MYO1H: variants seen among roughly 807,000 people sequenced by gnomAD.
MYO1H encodes the protein myosin IH.
Under a neutral mutation model 149.3 loss-of-function variants are expected in MYO1H, and 118 were observed. The ratio of observed to expected loss-of-function variants is 0.79; its 90% CI spans 0.68 to 0.92. MYO1H has a LOEUF of 0.92. Ranked by LOEUF, MYO1H falls within the 40% of genes least tolerant of loss-of-function variation. MYO1H has a pLI of 0.00. For synonymous variants in MYO1H, 447 were observed against 465.2 expected (o/e 0.96, Z 0.50); for missense variants, 1,212 against 1,280.7 (o/e 0.95, Z 0.82).
intron 5 of MYO1H, among the ~76,000 whole-genome samples, chr12:109,398,247 A>G (rs560802133): frequency 6.6e-6 from 1 of 152,350 alleles, no homozygotes; most frequent in East Asian, 1.9e-4. Context: ...GCTCATCATG[A>G]GCAAGTAAAC....
Position 109,406,850 on chromosome 12 carries a change from A to G in MYO1H, c.1025A>G (p.Lys342Arg), listed in dbSNP as rs569396289. 8.1e-6 allele frequency: 13 copies of G among 1,613,850 alleles called. No homozygotes were observed. The African/African-American group carries it at 1.1e-4, about 13-fold the overall frequency. ...CTCACCCACAGAAAAATTGAAGCCA[A>G]AACTGAGGAGGTAAAAATGGCTATA... The change falls in exon 9 of 32, where the codon AAA becomes AGA. Residue 342 changes from lysine (K) to arginine (R), a missense_variant. Physicochemically the swap from Lys to Arg is conservative, Grantham distance 26. Transcript: ENST00000310903.
intron 6 of MYO1H, among the ~76,000 whole-genome samples, chr12:109,403,524 T>C (rs931730169): frequency 6.6e-6 from 1 of 152,254 alleles, no homozygotes; most frequent in Non-Finnish European, 1.5e-5. Flanking sequence ...TTTCTCTAAA[T>C]GCTAGCCTTT....
chr12:109,352,317 A>G (rs573645955), intron 1 of MYO1H, among the ~76,000 whole-genome samples: 2 of 152,318 alleles, frequency 1.3e-5, no homozygotes, highest in East Asian at 3.9e-4. Flanking sequence ...AGGCCCATGC[A>G]TCTTGCATTT....
chr12:109,430,351 G>C (rs1461319536), intron 19 of MYO1H, among the ~76,000 whole-genome samples: 6 of 152,180 alleles, frequency 3.9e-5, no homozygotes. Context: ...GAAGACATAA[G>C]GTACTAGTCC....
chr12:109,436,553 G>A, exon 22 of MYO1H: 1 of 1,604,480 alleles, frequency 6.2e-7, no homozygotes, highest in South Asian at 1.1e-5. Flanking sequence ...AAAAAGACAA[G>A]CAGGTAAGAA....
At chr12:109,326,486 A>ATATTTTATTTTATTTTATTT in the MYO1H span, among the ~76,000 whole-genome samples, 183 of 137,454 alleles carry the variant, frequency 1.3e-3, no homozygotes, top group African/African-American at 3.6e-3. Context: ...CCTTTTTTTT[A>ATATTTTATTTTATTTTATTT]TATTTTATTT....
intron 26 of MYO1H, 42 bp from the exon 27 acceptor site, chr12:109,442,175 G>C (rs780358056): frequency 2.4e-5 from 37 of 1,565,480 alleles, no homozygotes; most frequent in Middle Eastern, 3.3e-4. Context: ...CACAGGATTG[G>C]TACTTTAGTG....
the MYO1H span, among the ~76,000 whole-genome samples, chr12:109,335,361 C>G: frequency 4.6e-5 from 7 of 152,018 alleles, no homozygotes; most frequent in African/African-American, 1.7e-4. Context: ...CTCGTGAGAA[C>G]TATCGTGATG....
chr12:109,409,680 C>T (rs1012475526), intron 11 of MYO1H, 56 bp downstream of exon 11: 23 of 1,392,236 alleles, frequency 1.7e-5, no homozygotes, highest in African/African-American at 4.3e-5. Flanking sequence ...AGATTTCAGT[C>T]GAGATTTAAA....
At chr12:109,442,317 G>A (rs542343101) in intron 27 of MYO1H, 45 bp downstream of exon 27, 7 of 1,560,824 alleles carry the variant, frequency 4.5e-6, no homozygotes, top group East Asian at 2.2e-5. Flanking sequence ...TTCCCTCATC[G>A]AGTCTAAGAG....
At chr12:109,397,923 T>TA (rs1458908073) in intron 5 of MYO1H, 111 bp downstream of exon 5, 1 of 660,744 alleles carries the variant, frequency 1.5e-6, no homozygotes, top group Non-Finnish European at 2.5e-6. Context: ...TCAAGCTATT[T>TA]AAAAAAATAT....
the MYO1H span, among the ~76,000 whole-genome samples, chr12:109,332,808 T>A: frequency 6.6e-6 from 1 of 152,114 alleles, no homozygotes. Flanking sequence ...GGTCTCAAAG[T>A]CTGGGGCTTA....
At chr12:109,378,522 CTGTGCTACCCAGGCTAGTCTCAA>C (rs1470566851) in intron 1 of MYO1H, among the ~76,000 whole-genome samples, 1 of 151,956 alleles carries the variant, frequency 6.6e-6, no homozygotes, top group African/African-American at 2.4e-5. Flanking sequence ...TGTGGTCTCA[CTGTGCTACCCAGGCTAGTCTCAA>C]ACTCCTGAGC....
At chr12:109,361,679 A>C (rs1036747258) in intron 1 of MYO1H, among the ~76,000 whole-genome samples, 3 of 152,026 alleles carry the variant, frequency 2.0e-5, no homozygotes, top group African/African-American at 4.8e-5. Flanking sequence ...GAGGTGGGAC[A>C]TGCCTGCATG....
rs536193157 is a variant in MYO1H, at chr12:109,355,792, T to C, written c.12+7820T>C. ...CCCAGGCTGGAGTGCAGTGGCCTGA[T>C]CTTGGCTCACTGCAACCTCTGACTC... On this transcript the variant is annotated intron_variant, in intron 1 of 31. Coordinates refer to ENST00000310903, the Ensembl canonical transcript of MYO1H. 3.3e-5 allele frequency among the ~76,000 whole-genome samples: 5 copies of C among 151,892 alleles called. No homozygotes were observed. In the South Asian group the frequency reaches 1.0e-3, roughly 32 times the overall value.
the MYO1H span, among the ~76,000 whole-genome samples, chr12:109,341,206 AG>A: frequency 7.1e-6 from 1 of 140,246 alleles, no homozygotes; most frequent in Non-Finnish European, 1.5e-5. Context: ...AAAAAAAAAA[AG>A]CCAGATTTCA....
chr12:109,392,330 T>C (rs951920579), intron 2 of MYO1H, among the ~76,000 whole-genome samples: 1 of 152,244 alleles, frequency 6.6e-6, no homozygotes, highest in African/African-American at 2.4e-5. Flanking sequence ...GCCCCTAGCC[T>C]GCCTCATGTA....
rs1335069078 is a variant in MYO1H, at chr12:109,443,009, AAT to A, written c.2689-486_2689-485del. Among the ~76,000 whole-genome samples the A allele has an allele frequency of 1.2e-3, 69 of 58,488 alleles. 18 individuals are homozygous for A. Among genetic ancestry groups the A allele is most frequent in the Middle Eastern group, 0.017 (2 of 118 alleles). 38.4% of individuals were successfully genotyped at this position (58,488 alleles called of 152,430 possible). A position where few individuals can be genotyped will look rare whatever the true frequency, so the allele number is the denominator to read the frequency against. ...TGCAGAGAGCCAGGAAAAAAAAAAA[AAT>A]ATATATATATATATATATGTGTGTG... On this transcript the variant is annotated intron_variant, in intron 27 of 31. Transcript: ENST00000310903.
intron 14 of MYO1H, among the ~76,000 whole-genome samples, chr12:109,413,986 T>C (rs143648574): frequency 6.6e-6 from 1 of 152,280 alleles, no homozygotes; most frequent in African/African-American, 2.4e-5. Flanking sequence ...AATTCACTTA[T>C]GCTGCTACAT....
Sources: allele counts gnomAD v4.1 joint callset (sites outside exome capture counted in the v4.1 genomes callset), GRCh38; gene constraint gnomAD v4.1.1; transcripts MANE v1.5; gene names NCBI Gene and HGNC (gene_info 2026-07-23, HGNC 2026-07-21).